Variants in MTHFD1L observed in about 807,000 individuals in gnomAD.
The protein encoded by MTHFD1L is monofunctional C1-tetrahydrofolate synthase, mitochondrial.
In MTHFD1L, 81 loss-of-function variants were observed where a neutral mutation model predicts 119.5. The ratio of observed to expected loss-of-function variants is 0.68; its 90% CI spans 0.57 to 0.82. The LOEUF is 0.82. Among genes scored for constraint, MTHFD1L ranks in the 40% least tolerant of loss-of-function variants. MTHFD1L has a pLI of 0.00. For missense variants in MTHFD1L, 1,125 were observed against 1,253.4 expected, an observed-to-expected ratio of 0.90 and a Z score of 1.55; for synonymous variants, 430 against 475.2, an observed-to-expected ratio of 0.90 and a Z score of 1.24.
At chr6:150,955,900 C>A in intron 16 of MTHFD1L, 95 bp from the exon 17 acceptor site, 2 of 1,044,528 alleles carry the variant, frequency 1.9e-6, no homozygotes, top group Non-Finnish European at 1.5e-6. Context: ...TCTCTTTCAC[C>A]CTCTGCAACT....
At chr6:150,955,507 T>G (rs1795496013) in intron 16 of MTHFD1L, among the ~76,000 whole-genome samples, 1 of 150,356 alleles carries the variant, frequency 6.7e-6, no homozygotes, top group African/African-American at 2.4e-5. Context: ...TTTTTTTTTT[T>G]TTTTTTTTTT....
intron 26 of MTHFD1L, among the ~76,000 whole-genome samples, chr6:151,074,892 T>G (rs1575219): frequency 3.2e-4 from 49 of 152,028 alleles, no homozygotes; most frequent in Non-Finnish European, 6.2e-4. Context: ...CCCAGTGATG[T>G]GTTTCTCAGA....
chr6:151,074,029 T>C (rs192523915), intron 26 of MTHFD1L, among the ~76,000 whole-genome samples: 168 of 152,286 alleles, frequency 1.1e-3, no homozygotes, highest in African/African-American at 3.9e-3. Context: ...CAAAGATAAA[T>C]TGGCTGATGA....
intron 20 of MTHFD1L, among the ~76,000 whole-genome samples, chr6:150,974,081 A>T (rs1776193453): frequency 6.6e-6 from 1 of 152,178 alleles, no homozygotes; most frequent in African/African-American, 2.4e-5. Flanking sequence ...CCGTTGCCAG[A>T]TGGTTCAAAG....
chr6:150,922,930 G>C (rs530949451), intron 10 of MTHFD1L, among the ~76,000 whole-genome samples: 4 of 151,980 alleles, frequency 2.6e-5, no homozygotes, highest in Non-Finnish European at 5.9e-5. Flanking sequence ...AGGCGTGAGC[G>C]ACCACGCCTG....
At chr6:151,067,717 C>T (rs1218421946) in intron 26 of MTHFD1L, among the ~76,000 whole-genome samples, 2 of 152,212 alleles carry the variant, frequency 1.3e-5, no homozygotes, top group African/African-American at 4.8e-5. Context: ...GATGGGTAAC[C>T]ATGTATACAA....
At chr6:150,896,836 C>T (rs945902193) in intron 7 of MTHFD1L, among the ~76,000 whole-genome samples, 7 of 151,892 alleles carry the variant, frequency 4.6e-5, no homozygotes, top group African/African-American at 1.5e-4. Flanking sequence ...GTGGCGGGCG[C>T]GGTGGCTCAC....
At chr6:150,890,140 G>A (rs1451154223) in intron 7 of MTHFD1L, among the ~76,000 whole-genome samples, 1 of 151,908 alleles carries the variant, frequency 6.6e-6, no homozygotes, top group Non-Finnish European at 1.5e-5. Context: ...TGGGCAACAA[G>A]AACGAAACTC....
At position 151,015,555 on chromosome 6, in the gene MTHFD1L, T is replaced by A; in HGVS notation, c.2448T>A (p.Leu816=). Residue 816 remains leucine (L), a synonymous_variant, in exon 24 of 28, where the codon CTT becomes CTA. Coordinates refer to ENST00000367321, the MANE Select transcript of MTHFD1L (RefSeq NM_015440.5). ...CTGAGATTGACTTGGTGTGTGAGCT[T>A]GCAAAGCGGGCTGGTGCCTTTGATG... ...TRAEIDLVCE[L]AKRAGAFDAV... 6.2e-7 allele frequency: 1 copy of A among 1,614,084 alleles called. No homozygotes were observed. Among genetic ancestry groups the A allele is most frequent in the Non-Finnish European group, 8.5e-7 (1 of 1,179,990 alleles).
chr6:151,083,492 G>A (rs913318410), intron 26 of MTHFD1L, among the ~76,000 whole-genome samples: 2 of 152,096 alleles, frequency 1.3e-5, no homozygotes, highest in East Asian at 1.9e-4. Context: ...CACAGCGCCC[G>A]GCCACAAATA....
intron 19 of MTHFD1L, among the ~76,000 whole-genome samples, chr6:150,968,265 G>GT (rs964642369): frequency 2.0e-5 from 3 of 150,944 alleles, no homozygotes; most frequent in East Asian, 2.0e-4. Context: ...GTTCACCACC[G>GT]TATCTCCAGC....
At position 150,926,303 on chromosome 6, in the gene MTHFD1L, A is replaced by G. The variant is rs803455; in HGVS notation, c.1256+8A>G. On this transcript the variant is annotated splice_region_variant and intron_variant, in intron 11 of 27. Coordinates refer to ENST00000367321, the MANE Select transcript of MTHFD1L (RefSeq NM_015440.5). This position sits in a 1 kb window ranked among gnomAD's most constrained non-coding sequence, Gnocchi z 4.3. ...ATACGTCTTAGTTGCTGGGTAAGAC[A>G]CCATCTAACATCTACTTGATCAAGC... 1,496,903 of 1,603,946 alleles carry G rather than the reference A, an allele frequency of 0.93. 699,004 individuals are homozygous for G. Among genetic ancestry groups the G allele is most frequent in the African/African-American group, 0.98 (73,424 of 74,850 alleles).
chr6:151,073,109 G>C (rs1196545153), intron 26 of MTHFD1L, among the ~76,000 whole-genome samples: 2 of 152,186 alleles, frequency 1.3e-5, no homozygotes, highest in African/African-American at 4.8e-5. Flanking sequence ...GAGCTCAACT[G>C]TCTCCCTGAG....
Position 151,067,308 on chromosome 6 carries a change from T to C in MTHFD1L, c.2848-25159T>C, listed in dbSNP as rs572745379. On this transcript the variant is annotated intron_variant, in intron 26 of 27. Transcript: ENST00000367321. ...TTTGACCAGTTAAAAACATCACAGG[T>C]TATTTAATCTTTTTATTTATTTATT... Among the ~76,000 whole-genome samples the C allele has an allele frequency of 3.7e-4, 56 of 151,798 alleles. No homozygotes were observed. The South Asian group carries it at 4.4e-3, about 12-fold the overall frequency.
intron 26 of MTHFD1L, among the ~76,000 whole-genome samples, chr6:151,054,305 A>G (rs1275838329): frequency 6.6e-6 from 1 of 152,210 alleles, no homozygotes; most frequent in Non-Finnish European, 1.5e-5. Context: ...TATGAATTAG[A>G]GCTTCAGATG....
chr6:151,068,505 C>T (rs1273601338), intron 26 of MTHFD1L, among the ~76,000 whole-genome samples: 1 of 152,160 alleles, frequency 6.6e-6, no homozygotes, highest in Non-Finnish European at 1.5e-5. Context: ...ACCGAGGGTT[C>T]AATTACAACA....
rs2128887511 is a variant in MTHFD1L, at chr6:150,918,593, C to T, written c.909C>T (p.Gly303=). 1 of 1,613,784 alleles carries T rather than the reference C, an allele frequency of 6.2e-7. No individual in the cohort carries two copies. The highest frequency in any genetic ancestry group is 2.2e-5 in the East Asian group (1 of 44,876). ...HDFLSGKVGC[G]SPRIHFGGLI... Reference sequence around the variant, plus strand: ...TTTTTACAGGGAAGGTTGGGTGTGGCTCTCCAAGAATACATTTTGGTGGAC... The same window carrying T: ...TTTTTACAGGGAAGGTTGGGTGTGGTTCTCCAAGAATACATTTTGGTGGAC... Residue 303 remains glycine, a synonymous_variant, in exon 9 of 28, where the codon GGC becomes GGT. Transcript: ENST00000367321.
chr6:151,067,937 G>A (rs1188531570), intron 26 of MTHFD1L, among the ~76,000 whole-genome samples: 2 of 152,202 alleles, frequency 1.3e-5, no homozygotes, highest in Non-Finnish European at 2.9e-5. Context: ...GTGGACTTCT[G>A]GTGCATGTAA....
At chr6:150,898,405 A>G (rs370446117) in intron 7 of MTHFD1L, among the ~76,000 whole-genome samples, 1 of 152,118 alleles carries the variant, frequency 6.6e-6, no homozygotes. Context: ...TCACTTTTCA[A>G]AGGAGGCAGC....
Sources: allele counts gnomAD v4.1 joint callset (sites outside exome capture counted in the v4.1 genomes callset), GRCh38; gene constraint gnomAD v4.1.1; non-coding constraint Gnocchi (gnomAD v3.1); transcripts MANE v1.5; gene names NCBI Gene and HGNC (gene_info 2026-07-23, HGNC 2026-07-21).